Variants in RYR2 observed in about 807,000 individuals in gnomAD.
RYR2 encodes the protein cardiac muscle ryanodine receptor-calcium release channel.
A neutral mutation model predicts 601.1 loss-of-function variants in RYR2; 227 were observed. The observed-to-expected ratio is 0.38, with a 90% CI of 0.34 to 0.42. The LOEUF (loss-of-function observed/expected upper bound fraction) is 0.42, where lower values mean the gene tolerates loss of function less well. Ranked by LOEUF, RYR2 falls within the 10% of genes least tolerant of loss-of-function variation. The pLI is 1.00. For synonymous variants in RYR2, 2,223 were observed against 2,175.1 expected (o/e 1.02, Z -0.61); for missense variants, 4,646 against 6,156.5 (o/e 0.75, Z 8.21).
chr1:237,661,912 C>A lies in RYR2; in HGVS notation c.8436+965C>A, dbSNP rs969676209. Among the ~76,000 whole-genome samples the A allele has an allele frequency of 5.3e-5, 8 of 152,118 alleles. 1 individual carries two copies. The East Asian group carries it at 1.5e-3, about 29-fold the overall frequency. On this transcript the variant is annotated intron_variant, in intron 56 of 104. Transcript: ENST00000366574. ...CAAATACCACCCGTTAACATTTAGT[C>A]ACGAGGTCATGTGAGCTGCTTACCT...
chr1:237,519,160 T>A (rs150408684), intron 24 of RYR2, among the ~76,000 whole-genome samples: 1 of 152,332 alleles, frequency 6.6e-6, no homozygotes, highest in Non-Finnish European at 1.5e-5. Flanking sequence ...GTTTCTTGCA[T>A]ATTCTGGATG....
chr1:237,326,483 A>G (rs906720061), intron 2 of RYR2, among the ~76,000 whole-genome samples: 24 of 152,290 alleles, frequency 1.6e-4, no homozygotes, highest in African/African-American at 5.8e-4. Context: ...CTCTGATTTA[A>G]TTTTGCATTA....
intron 1 of RYR2, among the ~76,000 whole-genome samples, chr1:237,135,246 C>A (rs1672635865): frequency 1.3e-5 from 2 of 152,114 alleles, no homozygotes; most frequent in African/African-American, 2.4e-5. Flanking sequence ...AATAGAATAT[C>A]ATGAGGCAAG....
rs1439565195 is a variant in RYR2, at chr1:237,456,672, G to A, written c.1549G>A (p.Val517Ile). ...VYSSAAHFAD[V>I]AGREAGESWK... Reference sequence around the variant, plus strand: ...CAGCAGTGCAGCACACTTTGCTGATGTTGCTGGGCGAGAAGCAGGAGAGTC... The same window carrying A: ...CAGCAGTGCAGCACACTTTGCTGATATTGCTGGGCGAGAAGCAGGAGAGTC... Residue 517 changes from valine to isoleucine, a missense_variant, in exon 16 of 105, where the codon GTT (valine) becomes ATT (isoleucine). Around this residue, in one of 17 missense-constraint regions of RYR2, gnomAD observed 1,807 missense variants for 2,088.1 expected, o/e 0.87. Coordinates refer to ENST00000366574, the MANE Select transcript of RYR2 (RefSeq NM_001035.3). The A allele has an allele frequency of 6.2e-7, 1 of 1,613,510 alleles. No individual in the cohort carries two copies. Among genetic ancestry groups the A allele is most frequent in the Admixed American group, 1.7e-5 (1 of 59,978 alleles).
intron 38 of RYR2, among the ~76,000 whole-genome samples, chr1:237,622,897 C>T (rs1018023209): frequency 6.6e-6 from 1 of 152,080 alleles, no homozygotes; most frequent in Non-Finnish European, 1.5e-5. Context: ...GATTGTATTC[C>T]AAACTCTGAA....
In RYR2 at chr1:237,742,281, T is replaced by G; in HGVS notation, c.11092-15T>G. ...CATATTCCTGTCTCCTTTTTTTTTT[T>G]TTTTAAATATACAGAGTTGTCATGA... On this transcript the variant is annotated splice_polypyrimidine_tract_variant and intron_variant, in intron 79 of 104. Transcript: ENST00000366574. The G allele has an allele frequency of 6.6e-7, 1 of 1,511,426 alleles. No homozygotes were observed. The highest frequency in any genetic ancestry group is 1.3e-5 in the South Asian group (1 of 77,202). 93.6% of individuals were successfully genotyped at this position (1,511,426 alleles called of 1,614,324 possible).
intron 2 of RYR2, among the ~76,000 whole-genome samples, chr1:237,323,753 A>G (rs1453934057): frequency 6.6e-6 from 1 of 152,306 alleles, no homozygotes; most frequent in African/African-American, 2.4e-5. Flanking sequence ...ACGTGCTGCT[A>G]TATCCTCTCT....
chr1:237,338,600 A>G (rs1697465972), intron 3 of RYR2, among the ~76,000 whole-genome samples: 1 of 152,186 alleles, frequency 6.6e-6, no homozygotes, highest in Admixed American at 6.5e-5. Flanking sequence ...TGTTAATAGC[A>G]GCCTGTTCAG....
In RYR2 at chr1:237,194,303, C is replaced by T. The variant is rs190535940; in HGVS notation, c.49-76194C>T. On this transcript the variant is annotated intron_variant, in intron 1 of 104. Transcript: ENST00000366574. ...AAGAGATTTTTTGGCTGTCGCAGTTCTATCAGGCACAAAGTCAAGAATATT... is the reference window on the plus strand; with the variant it reads ...AAGAGATTTTTTGGCTGTCGCAGTTTTATCAGGCACAAAGTCAAGAATATT... Among the ~76,000 whole-genome samples the T allele has an allele frequency of 2.6e-5, 4 of 152,236 alleles. No individual in the cohort carries two copies. The East Asian group carries it at 7.7e-4, about 29-fold the overall frequency.
chr1:237,388,790 T>G (rs1702143600), intron 10 of RYR2, among the ~76,000 whole-genome samples: 1 of 152,184 alleles, frequency 6.6e-6, no homozygotes, highest in Non-Finnish European at 1.5e-5. Flanking sequence ...ACCTTACAAA[T>G]TAATCAATGA....
chr1:237,656,661 C>G (rs1683276078), intron 53 of RYR2, among the ~76,000 whole-genome samples: 1 of 152,140 alleles, frequency 6.6e-6, no homozygotes, highest in Non-Finnish European at 1.5e-5. Context: ...GGTGACTCAG[C>G]AAGATCAGTT....
At chr1:237,440,042 T>C (rs1207377730) in intron 12 of RYR2, among the ~76,000 whole-genome samples, 1 of 152,204 alleles carries the variant, frequency 6.6e-6, no homozygotes, top group Non-Finnish European at 1.5e-5. Flanking sequence ...TGCATAATGA[T>C]TGAATCAACT....
intron 100 of RYR2, among the ~76,000 whole-genome samples, chr1:237,813,512 G>A (rs564527421): frequency 2.3e-4 from 35 of 152,230 alleles, no homozygotes; most frequent in East Asian, 1.4e-3. Flanking sequence ...TTATGCAGTC[G>A]TCATAGTTGA....
chr1:237,478,490 G>A (rs1661655214), intron 17 of RYR2, among the ~76,000 whole-genome samples: 1 of 152,148 alleles, frequency 6.6e-6, no homozygotes, highest in Non-Finnish European at 1.5e-5. Context: ...GCAGTTGTTG[G>A]TAGCTACAAG....
At chr1:237,783,362 G>A (rs1373059698) in intron 89 of RYR2, among the ~76,000 whole-genome samples, 3 of 152,008 alleles carry the variant, frequency 2.0e-5, no homozygotes, top group Non-Finnish European at 4.4e-5. Flanking sequence ...AATATGAAAC[G>A]ATTTTAGTTT....
intron 85 of RYR2, among the ~76,000 whole-genome samples, chr1:237,771,620 T>A (rs1251273460): frequency 6.6e-6 from 1 of 152,146 alleles, no homozygotes; most frequent in Non-Finnish European, 1.5e-5. Context: ...AACTCCATCT[T>A]AATTTTATCT....
intron 1 of RYR2, among the ~76,000 whole-genome samples, chr1:237,085,626 A>G (rs1189263279): frequency 1.3e-5 from 2 of 152,204 alleles, no homozygotes; most frequent in Non-Finnish European, 2.9e-5. Flanking sequence ...AATATCAAGA[A>G]CCAAGAGCAT....
At chr1:237,262,855 G>T (rs1393530252) in intron 1 of RYR2, among the ~76,000 whole-genome samples, 1 of 152,066 alleles carries the variant, frequency 6.6e-6, no homozygotes, top group Non-Finnish European at 1.5e-5. Context: ...AATCTCGGAA[G>T]ACTGGAGGAG....
At chr1:237,054,045 T>C (rs1661627652) in intron 1 of RYR2, among the ~76,000 whole-genome samples, 1 of 152,198 alleles carries the variant, frequency 6.6e-6, no homozygotes, top group Admixed American at 6.5e-5. Context: ...ATTGCATTAA[T>C]ACAGATCAGG....
Sources: gnomAD v4.1 joint callset for allele counts (sites outside exome capture counted in the v4.1 genomes callset) on GRCh38, gnomAD v4.1.1 for gene constraint, gnomAD v4.1.1 regional missense constraint, MANE v1.5 for transcripts, NCBI Gene and HGNC (gene_info 2026-07-23, HGNC 2026-07-21) for gene names.